Variants in NREP observed in about 807,000 individuals in gnomAD.
NREP encodes the protein neuronal regeneration-related protein.
Under a neutral mutation model 8.6 loss-of-function variants are expected in NREP, and 5 were observed. The ratio of observed to expected loss-of-function variants is 0.58; its 90% CI spans 0.30 to 1.22. The LOEUF (loss-of-function observed/expected upper bound fraction) is 1.22. Ranked by LOEUF, NREP falls within the 50% of genes most tolerant of loss-of-function variation. The pLI, the probability that NREP is intolerant of heterozygous loss-of-function variation, is 0.07. For missense variants in NREP, 86 were observed against 82.5 expected (o/e 1.04, Z -0.17); for synonymous variants, 27 against 28.0 (o/e 0.96, Z 0.11).
intron 2 of NREP, among the ~76,000 whole-genome samples, chr5:111,952,706 G>T (rs1756194974): frequency 6.6e-6 from 1 of 152,056 alleles, no homozygotes; most frequent in South Asian, 2.1e-4. Context: ...TAAGGCATGG[G>T]GAACAGGATG....
chr5:111,800,823 T>C (rs1751988328), intron 2 of NREP, among the ~76,000 whole-genome samples: 1 of 152,236 alleles, frequency 6.6e-6, no homozygotes, highest in African/African-American at 2.4e-5. Flanking sequence ...TTTTTTTATA[T>C]AACCAGGTGA....
intron 2 of NREP, among the ~76,000 whole-genome samples, chr5:111,883,005 T>C (rs2112518608): frequency 6.6e-6 from 1 of 152,330 alleles, no homozygotes; most frequent in East Asian, 1.9e-4. Flanking sequence ...ATGGACTAAA[T>C]GCTCCAATTA....
chr5:111,809,991 T>C (rs939523518), intron 2 of NREP, among the ~76,000 whole-genome samples: 2 of 151,282 alleles, frequency 1.3e-5, no homozygotes, highest in African/African-American at 4.9e-5. Context: ...GGAGTGCAAA[T>C]TCTGCCAAGT....
chr5:111,791,738 G>T (rs913879301), intron 2 of NREP, among the ~76,000 whole-genome samples: 1 of 152,190 alleles, frequency 6.6e-6, no homozygotes. Context: ...CTCCCAAAGT[G>T]TTGGGATTAC....
intron 2 of NREP, among the ~76,000 whole-genome samples, chr5:111,817,239 T>G (rs1752403673): frequency 6.6e-6 from 1 of 152,222 alleles, no homozygotes; most frequent in Admixed American, 6.5e-5. Context: ...TTTTACTTAT[T>G]CCTTCACAAC....
intron 2 of NREP, among the ~76,000 whole-genome samples, chr5:111,875,736 G>C (rs1012895632): frequency 3.9e-5 from 6 of 152,194 alleles, no homozygotes; most frequent in South Asian, 2.1e-4. Context: ...TTAGTGGAAG[G>C]AGTTCCACCT....
At chr5:111,971,588 AT>A (rs1458601513) in intron 2 of NREP, among the ~76,000 whole-genome samples, 1 of 152,190 alleles carries the variant, frequency 6.6e-6, no homozygotes, top group African/African-American at 2.4e-5. Context: ...TGGTCAATTG[AT>A]TTTTGACAAA....
intron 2 of NREP, among the ~76,000 whole-genome samples, chr5:111,824,984 A>G (rs903354285): frequency 6.6e-6 from 1 of 152,222 alleles, no homozygotes; most frequent in Admixed American, 6.5e-5. Flanking sequence ...TGCTTAATTC[A>G]TAGTCACAGA....
chr5:111,951,747 C>T (rs1581245936), intron 2 of NREP, among the ~76,000 whole-genome samples: 2 of 152,130 alleles, frequency 1.3e-5, no homozygotes, highest in East Asian at 1.9e-4. Context: ...CTCATGCTCA[C>T]CAGCACTTAA....
intron 2 of NREP, among the ~76,000 whole-genome samples, chr5:111,812,860 T>C (rs1051196955): frequency 1.3e-5 from 2 of 152,204 alleles, no homozygotes; most frequent in Admixed American, 6.5e-5. Flanking sequence ...TTCATACATG[T>C]CATGATTTCC....
downstream of NREP, chr5:111,729,078 A>G (rs1470059205): frequency 1.3e-5 from 2 of 152,198 alleles, no homozygotes; most frequent in Non-Finnish European, 2.9e-5. Context: ...TTGTGTCCAG[A>G]GGCAGCTCTG....
intron 2 of NREP, among the ~76,000 whole-genome samples, chr5:111,769,877 G>A (rs1369485067): frequency 6.6e-6 from 1 of 152,148 alleles, no homozygotes; most frequent in African/African-American, 2.4e-5. Context: ...CCCCAACACT[G>A]AGAATTACAA....
chr5:111,770,086 G>C (rs1192552726), intron 2 of NREP, among the ~76,000 whole-genome samples: 2 of 152,172 alleles, frequency 1.3e-5, no homozygotes, highest in Non-Finnish European at 2.9e-5. Flanking sequence ...TATAAGATCA[G>C]AAAATTAGAC....
At chr5:111,784,909 C>T (rs1446736457) in intron 2 of NREP, among the ~76,000 whole-genome samples, 1 of 152,140 alleles carries the variant, frequency 6.6e-6, no homozygotes. Context: ...AAATTACTTT[C>T]TACAAAGTCA....
At chr5:111,908,424 A>C (rs1754828063) in intron 2 of NREP, among the ~76,000 whole-genome samples, 1 of 151,992 alleles carries the variant, frequency 6.6e-6, no homozygotes, top group South Asian at 2.1e-4. Flanking sequence ...ACCCTTGCCC[A>C]CATCTCTTCC....
intron 2 of NREP, among the ~76,000 whole-genome samples, chr5:111,773,914 G>T (rs1751295603): frequency 6.6e-6 from 1 of 152,184 alleles, no homozygotes; most frequent in East Asian, 1.9e-4. Flanking sequence ...TATACCAAAA[G>T]ACCACACTCC....
intron 2 of NREP, among the ~76,000 whole-genome samples, chr5:111,957,571 A>G (rs1247447248): frequency 2.2e-5 from 3 of 139,252 alleles, no homozygotes; most frequent in Non-Finnish European, 4.6e-5. Flanking sequence ...TGATATTAAT[A>G]TAATATTTAC....
At chr5:111,789,559 G>T (rs984112711) in intron 2 of NREP, among the ~76,000 whole-genome samples, 1 of 152,128 alleles carries the variant, frequency 6.6e-6, no homozygotes, top group African/African-American at 2.4e-5. Context: ...GCTCTAGGCA[G>T]GGATATGCCA....
chr5:111,733,441 C>T (rs760572843), intron 3 of NREP: 4 of 151,986 alleles, frequency 2.6e-5, no homozygotes, highest in Non-Finnish European at 5.9e-5. Context: ...TGGAGTCCTG[C>T]ATTTACTAGA....
Sources: allele counts gnomAD v4.1 joint callset (sites outside exome capture counted in the v4.1 genomes callset), GRCh38; gene constraint gnomAD v4.1.1; transcripts MANE v1.5; gene names NCBI Gene and HGNC (gene_info 2026-07-23, HGNC 2026-07-21).